Variants in DNAI3 observed in about 807,000 individuals in gnomAD.
The protein encoded by DNAI3 is WD repeat domain 63.
A neutral mutation model predicts 115.5 loss-of-function variants in DNAI3; 83 were observed. The ratio of observed to expected loss-of-function variants is 0.72; its 90% CI spans 0.60 to 0.86. The LOEUF is 0.86. DNAI3 is among the 40% of genes least tolerant of loss of function. The pLI, the probability that DNAI3 is intolerant of heterozygous loss-of-function variation, is 0.00. For missense variants in DNAI3, 1,004 were observed against 1,075.8 expected, an observed-to-expected ratio of 0.93 and a Z score of 0.93; for synonymous variants, 320 against 347.0, an observed-to-expected ratio of 0.92 and a Z score of 0.86.
rs770396045 is a variant in DNAI3, at chr1:85,130,097, G to T, written c.2517G>T (p.Met839Ile). Residue 839 changes from methionine (M) to isoleucine (I), a missense_variant, in exon 22 of 23, where the codon ATG becomes ATT. Coordinates refer to ENST00000294664, the MANE Select transcript of DNAI3 (RefSeq NM_145172.5). ...EQEKKEMELE[M>I]AKKKVKTYQK... is the part of the protein sequence containing the mutation. Reference sequence around the variant, plus strand: ...AAAAGAAAGAAATGGAACTAGAAATGGCAAAGAAAAAAGTTGTAAGTTAAA... The same window carrying T: ...AAAAGAAAGAAATGGAACTAGAAATTGCAAAGAAAAAAGTTGTAAGTTAAA... 1.2e-6 allele frequency: 2 copies of T among 1,613,146 alleles called. No homozygotes were observed. The highest frequency in any genetic ancestry group is 2.2e-5 in the East Asian group (1 of 44,804).
chr1:85,093,066 G>A (rs376137481), intron 8 of DNAI3, among the ~76,000 whole-genome samples: 4 of 152,118 alleles, frequency 2.6e-5, no homozygotes, highest in Non-Finnish European at 5.9e-5. Flanking sequence ...AGACAGGACC[G>A]GGAAGGTAGA....
At chr1:85,104,407 C>T (rs1655424718) in intron 13 of DNAI3, 117 bp from the exon 14 acceptor site, 2 of 806,290 alleles carry the variant, frequency 2.5e-6, no homozygotes, top group East Asian at 2.8e-5. Flanking sequence ...AGGCGTGAGC[C>T]ACTGCCCCCG....
chr1:85,127,046 C>T (rs762580365), intron 20 of DNAI3, among the ~76,000 whole-genome samples: 11 of 152,218 alleles, frequency 7.2e-5, no homozygotes, highest in African/African-American at 9.7e-5. Context: ...TCCTTCTCTT[C>T]TCCGGGTCAG....
At chr1:85,077,030 C>T (rs1242854903) in intron 3 of DNAI3, among the ~76,000 whole-genome samples, 1 of 152,138 alleles carries the variant, frequency 6.6e-6, no homozygotes, top group Admixed American at 6.5e-5. Flanking sequence ...ATTAGTAGTA[C>T]ATGCACATTT....
At chr1:85,098,742 AT>A in intron 13 of DNAI3, 84 bp downstream of exon 13, 1 of 1,553,916 alleles carries the variant, frequency 6.4e-7, no homozygotes. Flanking sequence ...CAAGTCAACA[AT>A]TCATTTACAC....
intron 3 of DNAI3, among the ~76,000 whole-genome samples, chr1:85,075,713 G>T (rs759838240): frequency 3.2e-4 from 49 of 152,306 alleles, no homozygotes; most frequent in Non-Finnish European, 4.7e-4. Flanking sequence ...GGTTTCTGGA[G>T]AATAAATATA....
intron 22 of DNAI3, 37 bp downstream of exon 22, chr1:85,130,149 G>C: frequency 1.2e-6 from 2 of 1,610,938 alleles, no homozygotes; most frequent in Non-Finnish European, 1.7e-6. Flanking sequence ...TGTTTTCCTC[G>C]AACACCAGTG....
At chr1:85,092,422 A>G (rs1336318117) in intron 8 of DNAI3, among the ~76,000 whole-genome samples, 1 of 152,176 alleles carries the variant, frequency 6.6e-6, no homozygotes, top group Non-Finnish European at 1.5e-5. Context: ...ACAATTGAGA[A>G]CCACTTTTTC....
intron 3 of DNAI3, among the ~76,000 whole-genome samples, chr1:85,076,588 G>C (rs1299832257): frequency 6.6e-6 from 1 of 152,202 alleles, no homozygotes; most frequent in Non-Finnish European, 1.5e-5. Context: ...GAGGAGCAAA[G>C]TCACATCTTA....
At position 85,117,794 on chromosome 1, in the gene DNAI3, A is replaced by G. The variant is rs1427265458; in HGVS notation, c.1852A>G (p.Ser618Gly). The stretch of plus-strand genomic sequence containing the variant: ...AATGAACCCGTATCATAATCTGGAA[A>G]GTGGGATGGCCAATCTTCTCAAGCC... The part of the protein sequence containing the change: ...EEMNPYHNLE[S>G]GMANLLKPID... The change falls in exon 17 of 23, where the codon AGT (serine) becomes GGT (glycine). Residue 618 changes from serine to glycine, a missense_variant. By Grantham distance (56) the Ser-to-Gly change is moderately conservative. Around this residue, in one of 3 missense-constraint regions of DNAI3, gnomAD observed 429 missense variants for 454.3 expected, o/e 0.94. Coordinates refer to ENST00000294664, the MANE Select transcript of DNAI3 (RefSeq NM_145172.5). 2 of 1,614,008 alleles carry G rather than the reference A, an allele frequency of 1.2e-6. No homozygotes were observed. Among genetic ancestry groups the G allele is most frequent in the Non-Finnish European group, 1.7e-6 (2 of 1,179,864 alleles).
Position 85,080,046 on chromosome 1 carries a change from C to CTTTTTTTTTTTTT in DNAI3, c.104-1177_104-1165dup, listed in dbSNP as rs35938324. Among the ~76,000 whole-genome samples the CTTTTTTTTTTTTT allele has an allele frequency of 9.1e-4, 62 of 68,392 alleles. 1 individual carries two copies. The highest frequency in any genetic ancestry group is 1.3e-3 in the African/African-American group (23 of 17,756). 44.9% of individuals were successfully genotyped at this position (68,392 alleles called of 152,430 possible). A position where few individuals can be genotyped will look rare whatever the true frequency, so the allele number is the denominator to read the frequency against. On this transcript the variant is annotated intron_variant, in intron 3 of 22. Transcript: ENST00000294664. Reference sequence around the variant, plus strand: ...GAAAGTTTCTTTTCTTTTTCTTTTTCTTTTTTTTTTTTTTTTTTTTTTTGA... The same window carrying CTTTTTTTTTTTTT: ...GAAAGTTTCTTTTCTTTTTCTTTTTCTTTTTTTTTTTTTTTTTTTTTTTTTTTTTTTTTTTTGA...
In DNAI3 at chr1:85,126,705, G is replaced by C. The variant is rs773953401; in HGVS notation, c.2307G>C (p.Trp769Cys). ...CITMITYIKP[W>C]IFSSKQQFIA... ...CTATGATCACCTACATCAAACCCTG[G>C]ATCTTTTCTTGTATGTTAATTCTAA... The change falls in exon 20 of 23, where the codon TGG (tryptophan) becomes TGC (cysteine). Residue 769 changes from tryptophan (W) to cysteine (C), a missense_variant. This residue lies in a region of DNAI3 where 429 missense variants were observed against 454.3 expected (regional missense o/e 0.94). Transcript: ENST00000294664. 10 of 1,614,028 alleles carry C rather than the reference G, an allele frequency of 6.2e-6. No individual in the cohort carries two copies. The South Asian group carries it at 9.9e-5, about 16-fold the overall frequency.
intron 17 of DNAI3, among the ~76,000 whole-genome samples, chr1:85,120,432 T>C (rs559234319): frequency 6.6e-6 from 1 of 152,284 alleles, no homozygotes; most frequent in East Asian, 1.9e-4. Context: ...GGTAACAGAA[T>C]TACAGAAGTG....
intron 3 of DNAI3, among the ~76,000 whole-genome samples, chr1:85,074,741 A>G (rs1654399278): frequency 6.6e-6 from 1 of 152,218 alleles, no homozygotes; most frequent in East Asian, 1.9e-4. Flanking sequence ...GGGGAAACAC[A>G]GGGTTAGGTT....
At chr1:85,108,203 A>G (rs756652677) in intron 15 of DNAI3, 26 bp downstream of exon 15, 3 of 1,558,814 alleles carry the variant, frequency 1.9e-6, no homozygotes, top group Non-Finnish European at 2.6e-6. Context: ...TTTTTAGTCC[A>G]TCCTGCTTGC....
rs373915216 is a variant in DNAI3 at position 85,132,597 on chromosome 1, G to A, written c.2533-258G>A. On this transcript the variant is annotated intron_variant, in intron 22 of 22. Coordinates refer to ENST00000294664, the MANE Select transcript of DNAI3 (RefSeq NM_145172.5). ...TCCAGTCTACATAAGGGAAACAAGA[G>A]TTATAGGGAAGAAGGCCGGAAAAAG... Among the ~76,000 whole-genome samples, 133 of 152,148 alleles carry A rather than the reference G, an allele frequency of 8.7e-4. 1 individual carries two copies. The highest frequency in any genetic ancestry group is 2.3e-3 in the South Asian group (11 of 4,804).
At chr1:85,107,895 G>A in intron 14 of DNAI3, 138 bp from the exon 15 acceptor site, 1 of 559,600 alleles carries the variant, frequency 1.8e-6, no homozygotes. Flanking sequence ...AAGCTGTCTT[G>A]TTTCATAAAA....
chr1:85,071,649 A>G (rs1029764033), intron 1 of DNAI3, among the ~76,000 whole-genome samples: 3 of 152,084 alleles, frequency 2.0e-5, no homozygotes, highest in African/African-American at 7.3e-5. Flanking sequence ...TCGTGCTTCC[A>G]TGGCAGGACC....
intron 14 of DNAI3, among the ~76,000 whole-genome samples, chr1:85,105,118 C>T (rs1385957974): frequency 1.3e-5 from 2 of 152,160 alleles, no homozygotes; most frequent in Non-Finnish European, 2.9e-5. Context: ...CATTATCTAG[C>T]ATCCAAATGT....
Sources: allele counts gnomAD v4.1 joint callset (sites outside exome capture counted in the v4.1 genomes callset), GRCh38; gene constraint gnomAD v4.1.1; regional missense constraint gnomAD v4.1.1; transcripts MANE v1.5; gene names NCBI Gene and HGNC (gene_info 2026-07-23, HGNC 2026-07-21).